The following CORO2A variants were observed in gnomAD, a reference collection of about 807,000 sequenced individuals.
CORO2A encodes the protein coronin-2A.
Under a neutral mutation model 62.4 loss-of-function variants are expected in CORO2A, and 47 were observed. The ratio of observed to expected loss-of-function variants is 0.75; its 90% CI spans 0.60 to 0.96. The LOEUF is 0.96. CORO2A is among the 40% of genes least tolerant of loss of function. The pLI, the probability that CORO2A is intolerant of heterozygous loss-of-function variation, is 0.00. For missense variants in CORO2A, 610 were observed against 684.1 expected (o/e 0.89, Z 1.21); for synonymous variants, 273 against 268.9 (o/e 1.02, Z -0.15).
At position 98,128,217 on chromosome 9, in the gene CORO2A, GC is replaced by G. The variant is rs1224766972; in HGVS notation, c.1123del (p.Ala375ProfsTer5). The G allele has an allele frequency of 1.2e-6, 2 of 1,613,612 alleles. No homozygotes were observed. The highest frequency in any genetic ancestry group is 2.2e-5 in the South Asian group (2 of 90,924). On this transcript the variant is annotated frameshift_variant, in exon 10 of 12. Coordinates refer to ENST00000375077, the MANE Select transcript of CORO2A (RefSeq NM_052820.4). LOFTEE classifies it high-confidence loss of function. ...CTCCTGGGCCGTCAGGGAGGGCTGGGCCCCTGCTGTTGGAGGGTATATGTCC... is the reference window on the plus strand; with the variant it reads ...CTCCTGGGCCGTCAGGGAGGGCTGGGCCCTGCTGTTGGAGGGTATATGTCC... ...QEDIYPPTAG[A>X]QPSLTAQEWL...
intron 1 of CORO2A, among the ~76,000 whole-genome samples, chr9:98,165,265 T>C (rs7032570): frequency 0.23 from 35,355 of 152,140 alleles, 4,933 homozygotes; most frequent in African/African-American, 0.39. Flanking sequence ...GGCTTACACG[T>C]AACAATTCTA....
chr9:98,137,073 T>C (rs752488033), intron 3 of CORO2A, among the ~76,000 whole-genome samples: 11 of 152,132 alleles, frequency 7.2e-5, no homozygotes, highest in Admixed American at 5.9e-4. Flanking sequence ...CTGAACATTG[T>C]TGGGGCAGGG....
intron 2 of CORO2A, among the ~76,000 whole-genome samples, chr9:98,141,147 C>G (rs1827560004): frequency 6.6e-6 from 1 of 151,988 alleles, no homozygotes; most frequent in South Asian, 2.1e-4. Flanking sequence ...AGAATGTGGA[C>G]TTGTGTCCTT....
chr9:98,151,604 T>C (rs1374193547), intron 2 of CORO2A, among the ~76,000 whole-genome samples: 2 of 152,218 alleles, frequency 1.3e-5, no homozygotes, highest in Admixed American at 6.5e-5. Context: ...CAATTATATA[T>C]GTAAATAATA....
Position 98,137,674 on chromosome 9 carries a change from G to A in CORO2A, c.216C>T (p.Asp72=). 6.2e-7 allele frequency: 1 copy of A among 1,614,066 alleles called. No individual in the cohort carries two copies. The highest frequency in any genetic ancestry group is 8.5e-7 in the Non-Finnish European group (1 of 1,179,882). Residue 72 remains aspartate, a synonymous_variant, in exon 3 of 12, where the codon GAC becomes GAT. Coordinates refer to ENST00000375077, the MANE Select transcript of CORO2A (RefSeq NM_052820.4). ...GCCCGCAGACTTTTGGGTAGTGGGG[G>A]TCCAACTTCCCTGTCTGCAAGACAG... is the stretch of plus-strand genomic sequence containing the variant. ...VIPLHQTGKL[D]PHYPKVCGHR...
chr9:98,179,831 C>T (rs1271451365), intron 1 of CORO2A, among the ~76,000 whole-genome samples: 2 of 151,920 alleles, frequency 1.3e-5, no homozygotes, highest in Admixed American at 6.6e-5. Flanking sequence ...GGTGAAACCC[C>T]GTCTCTACTA....
At chr9:98,187,437 C>A (rs1368358447) in intron 1 of CORO2A, among the ~76,000 whole-genome samples, 1 of 139,954 alleles carries the variant, frequency 7.1e-6, no homozygotes, top group Non-Finnish European at 1.5e-5. Flanking sequence ...CCAGCCTAGG[C>A]GGCTGGGCGA....
intron 2 of CORO2A, among the ~76,000 whole-genome samples, chr9:98,142,195 T>C (rs1827577888): frequency 1.3e-5 from 2 of 152,252 alleles, no homozygotes. Context: ...TGCACTGTCT[T>C]ATCCTGCACC....
intron 8 of CORO2A, among the ~76,000 whole-genome samples, chr9:98,129,255 C>G (rs1396089825): frequency 6.6e-6 from 1 of 152,212 alleles, no homozygotes; most frequent in Non-Finnish European, 1.5e-5. Context: ...ATCCCCACAG[C>G]TCCTGTGACC....
At chr9:98,159,685 C>T (rs375160539) in intron 1 of CORO2A, among the ~76,000 whole-genome samples, 18 of 152,088 alleles carry the variant, frequency 1.2e-4, no homozygotes, top group Admixed American at 9.2e-4. Context: ...GCAGAGATCT[C>T]GCTCTCCTCT....
chr9:98,157,777 C>A lies in CORO2A; in HGVS notation c.1-117G>T, dbSNP rs2231657. 9,232 of 908,560 alleles carry A rather than the reference C, an allele frequency of 0.01. 562 individuals are homozygous for A. In the African/African-American group the frequency reaches 0.14, roughly 14 times the overall value. 56.3% of individuals were successfully genotyped at this position (908,560 alleles called of 1,614,324 possible). ...ACGAGCAGGACAGTGGTCAGTTCAA[C>A]GTGGACGGTGATGCACTGTGAAGGG... is the stretch of plus-strand genomic sequence containing the variant. On this transcript the variant is annotated intron_variant, in intron 1 of 11. Coordinates refer to ENST00000375077, the MANE Select transcript of CORO2A (RefSeq NM_052820.4).
chr9:98,151,723 C>T (rs1386610473), intron 2 of CORO2A, among the ~76,000 whole-genome samples: 3 of 152,008 alleles, frequency 2.0e-5, no homozygotes, highest in Non-Finnish European at 4.4e-5. Flanking sequence ...AGTGCAATGG[C>T]GCCATCTCGG....
intron 3 of CORO2A, among the ~76,000 whole-genome samples, chr9:98,136,095 G>A (rs1016042436): frequency 7.9e-5 from 12 of 152,220 alleles, no homozygotes; most frequent in African/African-American, 2.7e-4. Flanking sequence ...CAACAGTCAC[G>A]TCCTGCCCTG....
chr9:98,155,712 A>T (rs1827794897), intron 2 of CORO2A, among the ~76,000 whole-genome samples: 1 of 152,144 alleles, frequency 6.6e-6, no homozygotes, highest in African/African-American at 2.4e-5. Context: ...TTCTATTTCT[A>T]CATAAATCAG....
At chr9:98,151,426 A>G (rs1827722595) in intron 2 of CORO2A, among the ~76,000 whole-genome samples, 1 of 152,158 alleles carries the variant, frequency 6.6e-6, no homozygotes, top group African/African-American at 2.4e-5. Flanking sequence ...ATTCCTAGGT[A>G]TCCAATCTTC....
chr9:98,169,423 C>A (rs1228536493), intron 1 of CORO2A, among the ~76,000 whole-genome samples: 2 of 151,888 alleles, frequency 1.3e-5, no homozygotes, highest in African/African-American at 2.4e-5. Context: ...GCCCTGCCCC[C>A]ACGGCCCCCA....
intron 1 of CORO2A, among the ~76,000 whole-genome samples, chr9:98,166,168 C>T (rs949066190): frequency 2.6e-5 from 4 of 152,096 alleles, no homozygotes; most frequent in Non-Finnish European, 5.9e-5. Flanking sequence ...AGGAAAAAAA[C>T]ACAGGACATC....
chr9:98,128,637 G>C lies in CORO2A; in HGVS notation c.1050C>G (p.Ile350Met). The change falls in exon 9 of 12, where the codon ATC (isoleucine) becomes ATG (methionine). Residue 350 changes from isoleucine (I) to methionine (M), a missense_variant. Physicochemically the swap from Ile to Met is conservative, Grantham distance 10. Coordinates refer to ENST00000375077, the MANE Select transcript of CORO2A (RefSeq NM_052820.4). Reference protein sequence around the residue: ...FYKLITTKSLIEPISMIVPRR... With the variant: ...FYKLITTKSLMEPISMIVPRR... The stretch of plus-strand genomic sequence containing the variant: ...GGGGCACAATCATGGAGATGGGCTC[G>C]ATGAGGCTTTTGGTTGTGATCAGCT... 6.2e-7 allele frequency: 1 copy of C among 1,614,196 alleles called. No homozygotes were observed.
intron 2 of CORO2A, 171 bp downstream of exon 2, chr9:98,157,289 T>A: frequency 1.6e-6 from 1 of 623,180 alleles, no homozygotes; most frequent in Non-Finnish European, 2.8e-6. Context: ...TCAGGACAGG[T>A]GTATTTTTCC....
Sources: allele counts gnomAD v4.1 joint callset (sites outside exome capture counted in the v4.1 genomes callset), GRCh38; gene constraint gnomAD v4.1.1; transcripts MANE v1.5; gene names NCBI Gene and HGNC (gene_info 2026-07-23, HGNC 2026-07-21).